Variants in KLF12 observed in about 807,000 individuals in gnomAD.
KLF12 encodes the protein Krueppel-like factor 12.
Under a neutral mutation model 37.8 loss-of-function variants are expected in KLF12, and 9 were observed. The ratio of observed to expected loss-of-function variants is 0.24; its 90% CI spans 0.14 to 0.42. The LOEUF is 0.42. KLF12 is among the 10% of genes least tolerant of loss of function. KLF12 has a pLI of 1.00. For synonymous variants in KLF12, 208 were observed against 202.1 expected, an observed-to-expected ratio of 1.03 and a Z score of -0.25; for missense variants, 411 against 516.0, an observed-to-expected ratio of 0.80 and a Z score of 1.97.
At chr13:73,821,658 T>C (rs1413664544) in intron 4 of KLF12, among the ~76,000 whole-genome samples, 2 of 152,200 alleles carry the variant, frequency 1.3e-5, no homozygotes, top group African/African-American at 2.4e-5. Context: ...AGACATTCCT[T>C]ACTTAGAAAT....
chr13:74,300,623 A>T, the KLF12 span, among the ~76,000 whole-genome samples: 1 of 152,150 alleles, frequency 6.6e-6, no homozygotes, highest in African/African-American at 2.4e-5. Context: ...GGAGTAAAAG[A>T]TGTCATGCCC....
chr13:74,033,181 TAAGAA>T (rs761174833), intron 1 of KLF12, among the ~76,000 whole-genome samples: 101 of 152,338 alleles, frequency 6.6e-4, no homozygotes, highest in Non-Finnish European at 1.1e-3. Flanking sequence ...TATTTCCTCT[TAAGAA>T]AAGTACAGGC....
intron 1 of KLF12, among the ~76,000 whole-genome samples, chr13:74,009,821 G>A (rs1892504612): frequency 6.6e-6 from 1 of 152,200 alleles, no homozygotes; most frequent in Non-Finnish European, 1.5e-5. Context: ...TTTTAACCAG[G>A]AGCCACTGGC....
chr13:74,287,897 C>T, the KLF12 span, among the ~76,000 whole-genome samples: 1 of 152,172 alleles, frequency 6.6e-6, no homozygotes, highest in East Asian at 1.9e-4. Flanking sequence ...TCCAGCACTG[C>T]GTAAGTGGTT....
intron 2 of KLF12, among the ~76,000 whole-genome samples, chr13:73,990,309 A>G (rs2138239378): frequency 6.6e-6 from 1 of 152,324 alleles, no homozygotes; most frequent in Non-Finnish European, 1.5e-5. Flanking sequence ...AATGGAACAG[A>G]ATGACAAAAA....
intron 5 of KLF12, among the ~76,000 whole-genome samples, chr13:73,810,982 C>CCTTT: frequency 2.2e-5 from 1 of 44,816 alleles, no homozygotes. Context: ...ATTTTTCTTT[C>CCTTT]TTTTTTTTTT....
chr13:74,220,238 G>A, the KLF12 span, among the ~76,000 whole-genome samples: 1 of 152,092 alleles, frequency 6.6e-6, no homozygotes, highest in Non-Finnish European at 1.5e-5. Context: ...ATAGAATAAT[G>A]GCTTTAAATG....
In KLF12 at chr13:73,686,517, T is replaced by C. The variant is rs922525802; in HGVS notation, c.*8973A>G. 1.3e-5 allele frequency: 2 copies of C among 152,628 alleles called. No homozygotes were observed. Among genetic ancestry groups the C allele is most frequent in the Non-Finnish European group, 2.9e-5 (2 of 68,030 alleles). 9.5% of individuals were successfully genotyped at this position (152,628 alleles called of 1,614,324 possible). On this transcript the variant is annotated 3_prime_UTR_variant, in exon 8 of 8. Coordinates refer to ENST00000377669, the MANE Select transcript of KLF12 (RefSeq NM_007249.5). Reference sequence around the variant, plus strand: ...GAGTATATAAATGCAGAGGAAACTATTGGGAAATTAGGTCTTTAGATAAAC... The same window carrying C: ...GAGTATATAAATGCAGAGGAAACTACTGGGAAATTAGGTCTTTAGATAAAC...
chr13:73,738,051 G>A (rs927830440), intron 6 of KLF12, among the ~76,000 whole-genome samples: 16 of 133,330 alleles, frequency 1.2e-4, no homozygotes, highest in Admixed American at 6.0e-4. Flanking sequence ...ACACACATAC[G>A]TGTGTATATA....
chr13:74,150,792 G>C, the KLF12 span, among the ~76,000 whole-genome samples: 1 of 152,238 alleles, frequency 6.6e-6, no homozygotes, highest in Admixed American at 6.5e-5. Context: ...CACAAGGGGG[G>C]CAGAGGAGCA....
chr13:74,093,570 A>G (rs2138832525), intron 1 of KLF12, among the ~76,000 whole-genome samples: 1 of 152,332 alleles, frequency 6.6e-6, no homozygotes, highest in East Asian at 1.9e-4. Flanking sequence ...GATGGTCATT[A>G]TCATTTGCCT....
intron 1 of KLF12, among the ~76,000 whole-genome samples, chr13:74,110,589 C>G (rs1876914963): frequency 6.6e-6 from 1 of 152,078 alleles, no homozygotes; most frequent in Non-Finnish European, 1.5e-5. Context: ...AGGTATTTTT[C>G]CTACTTTACA....
intron 1 of KLF12, among the ~76,000 whole-genome samples, chr13:73,995,741 G>A (rs914047951): frequency 1.3e-5 from 2 of 152,042 alleles, no homozygotes; most frequent in Non-Finnish European, 2.9e-5. Flanking sequence ...AAATATTATT[G>A]GGCTGGGGAG....
At chr13:74,013,045 T>C (rs1418036799) in intron 1 of KLF12, among the ~76,000 whole-genome samples, 1 of 152,210 alleles carries the variant, frequency 6.6e-6, no homozygotes, top group Non-Finnish European at 1.5e-5. Flanking sequence ...GATTTCTTTC[T>C]TCTATGTCTG....
At chr13:74,251,791 T>C in the KLF12 span, among the ~76,000 whole-genome samples, 33,263 of 152,098 alleles carry the variant, frequency 0.22, 6,276 homozygotes, top group African/African-American at 0.51. Context: ...GGCTGTGACA[T>C]GAGGGTTAAT....
At chr13:74,094,589 C>CT (rs1191135145) in intron 1 of KLF12, among the ~76,000 whole-genome samples, 2 of 150,416 alleles carry the variant, frequency 1.3e-5, no homozygotes, top group Non-Finnish European at 3.0e-5. Context: ...ACCAGAAAAG[C>CT]TTTTCTATCT....
At chr13:73,801,291 GAA>G (rs1191916954) in intron 5 of KLF12, 1 of 152,040 alleles carries the variant, frequency 6.6e-6, no homozygotes, top group East Asian at 1.9e-4. Flanking sequence ...GGAAAGTAAT[GAA>G]AAGACAGAAT....
At chr13:74,245,313 C>CTATT in the KLF12 span, among the ~76,000 whole-genome samples, 4 of 151,036 alleles carry the variant, frequency 2.6e-5, no homozygotes, top group Non-Finnish European at 4.4e-5. Flanking sequence ...ATCTATCTAT[C>CTATT]TATCTATCTA....
intron 2 of KLF12, among the ~76,000 whole-genome samples, chr13:73,967,353 C>CATGG: frequency 6.6e-6 from 1 of 152,164 alleles, no homozygotes; most frequent in Non-Finnish European, 1.5e-5. Flanking sequence ...GGTCACTAAA[C>CATGG]AAATAACGCA....
Sources: allele counts gnomAD v4.1 joint callset (sites outside exome capture counted in the v4.1 genomes callset), GRCh38; gene constraint gnomAD v4.1.1; transcripts MANE v1.5; gene names NCBI Gene and HGNC (gene_info 2026-07-23, HGNC 2026-07-21).